The following GALNT17 variants were observed in gnomAD, a reference collection of about 807,000 sequenced individuals.
GALNT17 encodes UDP-GalNAc:polypeptide N-acetylgalactosaminyltransferase-like 3.
In GALNT17, 29 loss-of-function variants were observed where a neutral mutation model predicts 63.7. The ratio of observed to expected loss-of-function variants is 0.46; its 90% CI spans 0.34 to 0.62. The LOEUF is 0.62. Ranked by LOEUF, GALNT17 falls within the 20% of genes least tolerant of loss-of-function variation. The probability of loss-of-function intolerance (pLI) is 0.01; values close to 1 mark genes in which losing one functional copy is unlikely to be tolerated. For synonymous variants in GALNT17, 305 were observed against 318.3 expected (o/e 0.96, Z 0.45); for missense variants, 603 against 799.6 (o/e 0.75, Z 2.97).
At chr7:71,632,264 G>A (rs1198214837) in intron 6 of GALNT17, among the ~76,000 whole-genome samples, 1 of 152,156 alleles carries the variant, frequency 6.6e-6, no homozygotes, top group African/African-American at 2.4e-5. Context: ...GTCCCTGGAA[G>A]CAAGGCCCTG....
intron 2 of GALNT17, among the ~76,000 whole-genome samples, chr7:71,346,988 T>G (rs1792107789): frequency 6.6e-6 from 1 of 152,156 alleles, no homozygotes; most frequent in Non-Finnish European, 1.5e-5. Flanking sequence ...ATTATGTGGC[T>G]TAGGAAATGT....
At chr7:71,447,745 T>G (rs1787185488) in intron 5 of GALNT17, among the ~76,000 whole-genome samples, 1 of 152,228 alleles carries the variant, frequency 6.6e-6, no homozygotes. Context: ...ATTTAACCAT[T>G]GCCTTTCTGT....
chr7:71,346,646 T>G (rs1328725607), intron 2 of GALNT17, among the ~76,000 whole-genome samples: 2 of 151,834 alleles, frequency 1.3e-5, no homozygotes, highest in African/African-American at 4.8e-5. Flanking sequence ...CTTCTGTGTC[T>G]GCAGAATGGA....
Position 71,321,927 on chromosome 7 carries a change from C to T in GALNT17, c.239-13623C>T, listed in dbSNP as rs1216647307. ...CCTTCCTTCCTTCCTTCCTTCCCCT[C>T]CCTCCCTCCCTCCCTCCCTTCCTTC... On this transcript the variant is annotated intron_variant, in intron 1 of 10. Transcript: ENST00000333538. 5.7e-3 allele frequency among the ~76,000 whole-genome samples: 522 copies of T among 91,972 alleles called. 9 individuals carry two copies. The highest frequency in any genetic ancestry group is 8.7e-3 in the Non-Finnish European group (404 of 46,668). 60.3% of individuals were successfully genotyped at this position (91,972 alleles called of 152,430 possible). A position where few individuals can be genotyped will look rare whatever the true frequency, so the allele number is the denominator to read the frequency against.
intron 2 of GALNT17, among the ~76,000 whole-genome samples, chr7:71,360,207 A>G (rs956210858): frequency 3.9e-5 from 6 of 152,228 alleles, no homozygotes; most frequent in African/African-American, 1.4e-4. Flanking sequence ...CCTACTGAAT[A>G]CAATTTGATA....
At chr7:71,664,397 A>G (rs665009) in intron 6 of GALNT17, among the ~76,000 whole-genome samples, 150,089 of 152,232 alleles carry the variant, frequency 0.99, 74,005 homozygotes, top group East Asian at 1. Flanking sequence ...ATCGCTTGAG[A>G]CCAGGAGTGT....
At chr7:71,251,451 C>T (rs906994584) in intron 1 of GALNT17, among the ~76,000 whole-genome samples, 6 of 152,132 alleles carry the variant, frequency 3.9e-5, no homozygotes, top group Non-Finnish European at 1.5e-5. Flanking sequence ...ATGCTGTTGC[C>T]CAGGCTGGAG....
intron 1 of GALNT17, among the ~76,000 whole-genome samples, chr7:71,150,968 C>A (rs1788121244): frequency 7.5e-6 from 1 of 133,794 alleles, no homozygotes; most frequent in South Asian, 2.4e-4. Flanking sequence ...CACAGTGAGA[C>A]CCTGACTTCA....
chr7:71,699,413 T>A (rs1791595802), intron 9 of GALNT17, among the ~76,000 whole-genome samples: 1 of 148,712 alleles, frequency 6.7e-6, no homozygotes, highest in Non-Finnish European at 1.5e-5. Context: ...GAGGCAGAGG[T>A]TGCAGTGAGC....
intron 1 of GALNT17, among the ~76,000 whole-genome samples, chr7:71,165,505 C>T (rs907437917): frequency 6.6e-6 from 1 of 152,040 alleles, no homozygotes; most frequent in Non-Finnish European, 1.5e-5. Flanking sequence ...GGGAGACTCC[C>T]CTTTATAAAA....
chr7:71,141,456 C>CCCTT (rs1383499714), intron 1 of GALNT17, among the ~76,000 whole-genome samples: 1 of 151,704 alleles, frequency 6.6e-6, no homozygotes, highest in African/African-American at 2.4e-5. Context: ...TTGGGCAAGT[C>CCCTT]CCTTCACTTT....
At chr7:71,539,707 C>CTTTTT (rs71089953) in intron 5 of GALNT17, among the ~76,000 whole-genome samples, 1,814 of 71,432 alleles carry the variant, frequency 0.025, 131 homozygotes, top group Middle Eastern at 0.04. Flanking sequence ...TTAGTCCCAC[C>CTTTTT]TTTTTTTTTT....
chr7:71,590,446 A>C (rs555030912), intron 6 of GALNT17, among the ~76,000 whole-genome samples: 3 of 152,200 alleles, frequency 2.0e-5, no homozygotes, highest in Non-Finnish European at 4.4e-5. Flanking sequence ...ACTCTCATTC[A>C]TCTCCTTGGG....
chr7:71,246,860 C>G (rs1304194622), intron 1 of GALNT17, among the ~76,000 whole-genome samples: 1 of 149,646 alleles, frequency 6.7e-6, no homozygotes, highest in Non-Finnish European at 1.5e-5. Context: ...TTATGAATAC[C>G]CTTTAGAAGC....
At chr7:71,271,265 C>T (rs768321639) in intron 1 of GALNT17, among the ~76,000 whole-genome samples, 10 of 152,204 alleles carry the variant, frequency 6.6e-5, no homozygotes, top group Non-Finnish European at 1.3e-4. Context: ...ACTCCAGATT[C>T]CTGTCACGCG....
chr7:71,625,261 C>T (rs1012574853), intron 6 of GALNT17, among the ~76,000 whole-genome samples: 2 of 152,172 alleles, frequency 1.3e-5, no homozygotes, highest in Non-Finnish European at 2.9e-5. Flanking sequence ...TCCCCTGACT[C>T]AGCCTCCCGA....
rs572686054 is a variant in GALNT17 at position 71,432,306 on chromosome 7, T to C, written c.962+11201T>C. On this transcript the variant is annotated intron_variant, in intron 5 of 10. Transcript: ENST00000333538. ...CCGCGGTGGCACATAACAACTCATT[T>C]CAAGTCCTGCCAATCAGGAAGCTCA... Among the ~76,000 whole-genome samples the C allele has an allele frequency of 3.3e-5, 5 of 152,244 alleles. No homozygotes were observed. The East Asian group carries it at 9.7e-4, about 29-fold the overall frequency.
intron 2 of GALNT17, among the ~76,000 whole-genome samples, chr7:71,341,811 G>A (rs1792010357): frequency 6.6e-6 from 1 of 152,170 alleles, no homozygotes; most frequent in Non-Finnish European, 1.5e-5. Flanking sequence ...CAAAACAAAG[G>A]AGTCAAGTGA....
At chr7:71,660,588 G>A (rs896568182) in intron 6 of GALNT17, among the ~76,000 whole-genome samples, 3 of 152,186 alleles carry the variant, frequency 2.0e-5, no homozygotes, top group African/African-American at 7.2e-5. Context: ...TCATAGCTGG[G>A]TCTTATGTGT....
Sources: allele counts gnomAD v4.1 joint callset (sites outside exome capture counted in the v4.1 genomes callset), GRCh38; gene constraint gnomAD v4.1.1; transcripts MANE v1.5; gene names NCBI Gene and HGNC (gene_info 2026-07-23, HGNC 2026-07-21).